OGA: variants seen among roughly 807,000 people sequenced by gnomAD.
OGA encodes the protein protein O-GlcNAcase.
A neutral mutation model predicts 102.0 loss-of-function variants in OGA; 21 were observed. The observed-to-expected ratio is 0.21, with a 90% CI of 0.15 to 0.30. OGA has a LOEUF of 0.30. Ranked by LOEUF, OGA falls within the 10% of genes least tolerant of loss-of-function variation. The probability of loss-of-function intolerance (pLI) is 1.00; values close to 1 mark genes in which losing one functional copy is unlikely to be tolerated. For missense variants in OGA, 765 were observed against 1,107.8 expected (o/e 0.69, Z 4.39); for synonymous variants, 408 against 378.2 (o/e 1.08, Z -0.91).
In OGA at chr10:101,810,205, T is replaced by C. The variant is rs1185306795; in HGVS notation, c.459A>G (p.Thr153=). Residue 153 remains threonine, a synonymous_variant, in exon 4 of 16, where the codon ACA becomes ACG. Coordinates refer to ENST00000361464, the MANE Select transcript of OGA (RefSeq NM_012215.5). ...ITFSNPKEVS[T]LKRKLDQVSQ... The stretch of plus-strand genomic sequence containing the variant: ...TTACCTGGTCCAATTTACGTTTCAA[T>C]GTGGATACTTCCTTGGGGTTAGAAA... 6.2e-7 allele frequency: 1 copy of C among 1,611,578 alleles called. No homozygotes were observed. The highest frequency in any genetic ancestry group is 1.1e-5 in the South Asian group (1 of 90,354).
Position 101,786,303 on chromosome 10 carries a change from G to A in OGA, c.*148C>T. ...CAACCAGTGAGTAGTCTCAAAGTGT[G>A]ATGGGTGAGTTTTACATAGTCTTCT... On this transcript the variant is annotated 3_prime_UTR_variant, in exon 16 of 16. Coordinates refer to ENST00000361464, the MANE Select transcript of OGA (RefSeq NM_012215.5). 2 of 735,036 alleles carry A rather than the reference G, an allele frequency of 2.7e-6. No homozygotes were observed. Among genetic ancestry groups the A allele is most frequent in the Non-Finnish European group, 4.0e-6 (2 of 495,708 alleles). 45.5% of individuals were successfully genotyped at this position (735,036 alleles called of 1,614,324 possible).
Position 101,814,557 on chromosome 10 carries a change from TC to T in OGA, c.200-952del, listed in dbSNP as rs564580292. ...TGAGCCAAGATCCGCGCCATTGCAT[TC>T]CAGCCTAGGTGACAGAGCAAAACTC... On this transcript the variant is annotated intron_variant, in intron 1 of 15. Coordinates refer to ENST00000361464, the MANE Select transcript of OGA (RefSeq NM_012215.5). Among the ~76,000 whole-genome samples the T allele has an allele frequency of 3.6e-3, 543 of 152,186 alleles. 4 individuals carry two copies. Among genetic ancestry groups the T allele is most frequent in the Non-Finnish European group, 6.1e-3 (417 of 68,010 alleles).
intron 1 of OGA, among the ~76,000 whole-genome samples, chr10:101,815,790 A>G (rs1370410714): frequency 6.6e-6 from 1 of 151,912 alleles, no homozygotes; most frequent in East Asian, 1.9e-4. Context: ...AGTCAGGTTC[A>G]TGGTTTCGGT....
In OGA at chr10:101,818,141, C is replaced by T. The variant is rs531996912; in HGVS notation, c.-119G>A. ...CAAGTGTGCGCCCCTCCGGCTCCTT[C>T]CCCTCCCCCTCTGCCCTTCCCCCTC... On this transcript the variant is annotated 5_prime_UTR_variant, in exon 1 of 16. Transcript: ENST00000361464. 7.2e-7 allele frequency: 1 copy of T among 1,388,530 alleles called. No homozygotes were observed. The highest frequency in any genetic ancestry group is 1.5e-5 in the African/African-American group (1 of 66,052). 86.0% of individuals were successfully genotyped at this position (1,388,530 alleles called of 1,614,324 possible).
At chr10:101,803,626 A>G in intron 7 of OGA, 109 bp downstream of exon 7, 1 of 1,190,302 alleles carries the variant, frequency 8.4e-7, no homozygotes, top group Non-Finnish European at 1.2e-6. Context: ...TTTTAAAAAA[A>G]TAAATAAAAC....
intron 7 of OGA, 138 bp from the exon 8 acceptor site, chr10:101,800,538 T>A: frequency 3.0e-6 from 2 of 661,314 alleles, no homozygotes; most frequent in Non-Finnish European, 5.0e-6. Flanking sequence ...ACCTTAAACA[T>A]AAAAATTCAA....
At position 101,813,283 on chromosome 10, in the gene OGA, AT is replaced by A. The variant is rs569944037; in HGVS notation, c.252-157del. On this transcript the variant is annotated intron_variant, in intron 2 of 15. Transcript: ENST00000361464. ...TTTGTAATCAGTGGAATTTAAAAAA[AT>A]TAAGTATTACAATGTATGCCAACAT... Among the ~76,000 whole-genome samples the A allele has an allele frequency of 1.2e-3, 178 of 152,344 alleles. 1 individual carries two copies. Among genetic ancestry groups the A allele is most frequent in the African/African-American group, 4.0e-3 (165 of 41,574 alleles).
chr10:101,786,491 C>T lies in OGA; in HGVS notation c.2711G>A (p.Gly904Glu). The change falls in exon 16 of 16, where the codon GGA (glycine) becomes GAA (glutamate). Residue 904 changes from glycine (G) to glutamate (E), a missense_variant. By Grantham distance (98) the Gly-to-Glu change is moderately conservative (BLOSUM62 -2). This residue lies in a region of OGA where 146 missense variants were observed against 269.7 expected (regional missense o/e 0.54). Coordinates refer to ENST00000361464, the MANE Select transcript of OGA (RefSeq NM_012215.5). ...LGCFEIAKMEGFPKDVVILGR... is the reference protein window; with the variant it reads ...LGCFEIAKMEEFPKDVVILGR... ...AAGTATAACCACATCCTTTGGAAAT[C>T]CTTCCATTTTTGCAATTTCAAAACA... 6.2e-7 allele frequency: 1 copy of T among 1,612,056 alleles called. No homozygotes were observed. The highest frequency in any genetic ancestry group is 2.2e-5 in the East Asian group (1 of 44,768).
At chr10:101,799,941 T>G (rs1379336579) in intron 8 of OGA, among the ~76,000 whole-genome samples, 2 of 152,160 alleles carry the variant, frequency 1.3e-5, no homozygotes, top group Non-Finnish European at 2.9e-5. Flanking sequence ...GGCTCAATCT[T>G]GGCTCACTGC....
intron 1 of OGA, among the ~76,000 whole-genome samples, chr10:101,817,456 G>C (rs2065648541): frequency 6.6e-6 from 1 of 152,182 alleles, no homozygotes. Context: ...GGTGACAGAA[G>C]CACTACACAT....
At chr10:101,788,726 CTCCG>C (rs943531714) in intron 14 of OGA, among the ~76,000 whole-genome samples, 9 of 149,018 alleles carry the variant, frequency 6.0e-5, no homozygotes, top group Non-Finnish European at 1.0e-4. Flanking sequence ...CAGAGGGAAA[CTCCG>C]TCTCAAAAAA....
chr10:101,797,884 A>G, intron 10 of OGA, 96 bp downstream of exon 10: 1 of 1,240,896 alleles, frequency 8.1e-7, no homozygotes, highest in East Asian at 2.4e-5. Flanking sequence ...AGACTTGGAA[A>G]TGTGCCAATT....
Position 101,800,323 on chromosome 10 carries a change from C to T in OGA, c.1114G>A (p.Val372Ile), listed in dbSNP as rs745450696. The T allele has an allele frequency of 5.0e-6, 8 of 1,612,978 alleles. No homozygotes were observed. The South Asian group carries it at 6.6e-5, about 13-fold the overall frequency. The change falls in exon 8 of 16, where the codon GTA becomes ATA. Residue 372 changes from valine to isoleucine, a missense_variant. By Grantham distance (29) the Val-to-Ile change is conservative (BLOSUM62 3). Around this residue, in one of 7 missense-constraint regions of OGA, gnomAD observed 281 missense variants for 345.8 expected, o/e 0.81. Coordinates refer to ENST00000361464, the MANE Select transcript of OGA (RefSeq NM_012215.5). ...AGAGCCATCTGTGGACTATAGAGTA[C>T]ATCAGTTTCAATATCTTCATCACTG... ...EGSDEDIETD[V>I]LYSPQMALKL...
chr10:101,801,147 T>C (rs993995430), intron 7 of OGA, among the ~76,000 whole-genome samples: 1 of 151,580 alleles, frequency 6.6e-6, no homozygotes, highest in African/African-American at 2.4e-5. Flanking sequence ...TCTCAGCACT[T>C]TGGGAGGCTG....
intron 12 of OGA, among the ~76,000 whole-genome samples, chr10:101,792,252 C>A (rs1453216609): frequency 6.6e-6 from 1 of 152,198 alleles, no homozygotes; most frequent in East Asian, 1.9e-4. Context: ...TCGTGATCCG[C>A]CTGTCTCGGC....
intron 1 of OGA, among the ~76,000 whole-genome samples, chr10:101,815,617 C>G (rs920817796): frequency 6.6e-6 from 1 of 152,050 alleles, no homozygotes; most frequent in African/African-American, 2.4e-5. Context: ...CAGACCTATA[C>G]AAGTCTTTAG....
intron 10 of OGA, among the ~76,000 whole-genome samples, chr10:101,795,144 C>T (rs2065300321): frequency 1.3e-5 from 2 of 152,154 alleles, no homozygotes; most frequent in Non-Finnish European, 2.9e-5. Context: ...CATTCCGTAA[C>T]TCAGTGTAAT....
intron 13 of OGA, 84 bp from the exon 14 acceptor site, chr10:101,791,172 T>C (rs2065255686): frequency 2.8e-6 from 4 of 1,407,286 alleles, no homozygotes; most frequent in Admixed American, 2.3e-5. Flanking sequence ...CCCACTGTAC[T>C]TGCATGAACT....
rs748480620 is a variant in OGA at position 101,800,303 on chromosome 10, C to G, written c.1134G>C (p.Met378Ile). 3 of 1,613,886 alleles carry G rather than the reference C, an allele frequency of 1.9e-6. No individual in the cohort carries two copies. Among genetic ancestry groups the G allele is most frequent in the Non-Finnish European group, 1.7e-6 (2 of 1,179,774 alleles). ...IETDVLYSPQ[M>I]ALKLALTEWL... is the part of the protein sequence containing the mutation. ...ATTCTGTTAATGCTAGCTTTAGAGC[C>G]ATCTGTGGACTATAGAGTACATCAG... The change falls in exon 8 of 16, where the codon ATG becomes ATC. Residue 378 changes from methionine (M) to isoleucine (I), a missense_variant. Transcript: ENST00000361464.
Sources: gnomAD v4.1 joint callset for allele counts (sites outside exome capture counted in the v4.1 genomes callset) on GRCh38, gnomAD v4.1.1 for gene constraint, gnomAD v4.1.1 regional missense constraint, MANE v1.5 for transcripts, NCBI Gene and HGNC (gene_info 2026-07-23, HGNC 2026-07-21) for gene names.